The following DNAH5 variants were observed in gnomAD, a reference collection of about 807,000 sequenced individuals.
DNAH5 encodes the protein dynein axonemal heavy chain 5, also known as axonemal beta dynein heavy chain 5.
In DNAH5, 372 loss-of-function variants were observed where a neutral mutation model predicts 518.2. That is an observed-to-expected ratio of 0.72 (90% confidence interval 0.66 to 0.78). DNAH5 has a LOEUF of 0.78. DNAH5 is among the 30% of genes least tolerant of loss of function. The probability of loss-of-function intolerance (pLI) is 0.00; values close to 1 mark genes in which losing one functional copy is unlikely to be tolerated. For missense variants in DNAH5, 5,523 were observed against 5,687.0 expected (o/e 0.97, Z 0.93); for synonymous variants, 2,039 against 2,025.9 (o/e 1.01, Z -0.17).
chr5:13,752,331 A>G, intron 63 of DNAH5, 42 bp from the exon 64 acceptor site: 1 of 1,602,228 alleles, frequency 6.2e-7, no homozygotes, highest in Admixed American at 1.7e-5. Flanking sequence ...AGACATTACC[A>G]TGAAGCAATG....
At position 13,911,512 on chromosome 5, in the gene DNAH5, A is replaced by T; in HGVS notation, c.1537-19T>A. On this transcript the variant is annotated intron_variant, in intron 11 of 78. Transcript: ENST00000265104. ...CAATGCCCTGAAATATTATGAGATAAATTAGATAATATTTCAATATTCTTA... is the reference window on the plus strand; with the variant it reads ...CAATGCCCTGAAATATTATGAGATATATTAGATAATATTTCAATATTCTTA... The T allele has an allele frequency of 6.4e-7, 1 of 1,556,726 alleles. No homozygotes were observed. The highest frequency in any genetic ancestry group is 1.1e-5 in the South Asian group (1 of 89,558).
chr5:13,945,343 T>A (rs1254782181), upstream of DNAH5, among the ~76,000 whole-genome samples: 1 of 152,168 alleles, frequency 6.6e-6, no homozygotes, highest in African/African-American at 2.4e-5. Context: ...GTCCAGCAAC[T>A]CAAATCCTAA....
At chr5:13,871,097 A>C in intron 23 of DNAH5, 95 bp from the exon 24 acceptor site, 1 of 892,890 alleles carries the variant, frequency 1.1e-6, no homozygotes, top group Non-Finnish European at 1.8e-6. Flanking sequence ...AATATTTTAT[A>C]GCTTATTGCC....
intron 57 of DNAH5, 118 bp downstream of exon 57, chr5:13,769,383 T>A: frequency 1.0e-6 from 1 of 994,192 alleles, no homozygotes. Flanking sequence ...GAGTATTTTA[T>A]TCCAATGGAA....
intron 13 of DNAH5, 102 bp from the exon 14 acceptor site, chr5:13,901,675 A>T (rs1486718736): frequency 1.8e-5 from 13 of 738,710 alleles, no homozygotes; most frequent in East Asian, 1.4e-4. Flanking sequence ...TTTATTTTTT[A>T]AAATGCTAAT....
chr5:13,823,164 C>T, intron 40 of DNAH5, 99 bp downstream of exon 40: 1 of 843,142 alleles, frequency 1.2e-6, no homozygotes, highest in Non-Finnish European at 2.1e-6. Context: ...ATTTTTGCTG[C>T]TCAGAGTGCA....
intron 58 of DNAH5, 133 bp from the exon 59 acceptor site, chr5:13,766,312 A>G (rs1387231131): frequency 2.3e-6 from 2 of 871,978 alleles, no homozygotes; most frequent in Non-Finnish European, 3.8e-6. Flanking sequence ...CACAGGGTCT[A>G]GATGCATATT....
At chr5:13,806,064 A>G (rs1263712174) in intron 47 of DNAH5, among the ~76,000 whole-genome samples, 1 of 152,148 alleles carries the variant, frequency 6.6e-6, no homozygotes. Context: ...TCACACTCTG[A>G]TCTGATTTTT....
At chr5:13,877,232 T>C (rs897606178) in intron 21 of DNAH5, among the ~76,000 whole-genome samples, 2 of 152,144 alleles carry the variant, frequency 1.3e-5, no homozygotes, top group African/African-American at 2.4e-5. Flanking sequence ...GGGAGCTCCA[T>C]AGAATTCTCA....
intron 75 of DNAH5, among the ~76,000 whole-genome samples, chr5:13,713,468 C>CATATATATATATATATATATATATAT (rs1743888599): frequency 1.2e-5 from 1 of 81,448 alleles, no homozygotes; most frequent in Non-Finnish European, 2.2e-5. Flanking sequence ...TATATATATA[C>CATATATATATATATATATATATATAT]ACACACCGAT....
intron 30 of DNAH5, among the ~76,000 whole-genome samples, chr5:13,851,022 C>T (rs1766761645): frequency 6.6e-6 from 1 of 152,174 alleles, no homozygotes; most frequent in African/African-American, 2.4e-5. Flanking sequence ...GCATCCTTAG[C>T]TCAACCTTGG....
In DNAH5 at chr5:13,735,240, G is replaced by T. The variant is rs1179938665; in HGVS notation, c.11652C>A (p.Ala3884=). The T allele has an allele frequency of 3.1e-6, 5 of 1,613,952 alleles. No homozygotes were observed. Among genetic ancestry groups the T allele is most frequent in the Non-Finnish European group, 4.2e-6 (5 of 1,179,982 alleles). Residue 3884 remains alanine (A), a synonymous_variant, in exon 68 of 79, where the codon GCC becomes GCA. Transcript: ENST00000265104. ...HMTYEVYKYA[A]RGLYEEHKFL... ...ATTTGTGCTCCTCGTACAGCCCTCG[G>T]GCAGCATACTTATAAACCTCGTAGG...
intron 75 of DNAH5, among the ~76,000 whole-genome samples, chr5:13,710,122 C>T (rs530400807): frequency 6.6e-6 from 1 of 152,260 alleles, no homozygotes; most frequent in African/African-American, 2.4e-5. Flanking sequence ...GACCCACAGA[C>T]AAGGTTCACA....
intron 65 of DNAH5, among the ~76,000 whole-genome samples, chr5:13,746,440 A>G (rs1231356333): frequency 6.6e-6 from 1 of 152,138 alleles, no homozygotes. Context: ...AATGCATGAA[A>G]GAGGGAGGAC....
In DNAH5 at chr5:13,788,902, G is replaced by A; in HGVS notation, c.8461C>T (p.Leu2821=). 1 of 1,613,968 alleles carries A rather than the reference G, an allele frequency of 6.2e-7. No homozygotes were observed. The highest frequency in any genetic ancestry group is 8.5e-7 in the Non-Finnish European group (1 of 1,179,914). ...VIKEPNDLLK[L]WKHECKRVIA... ...ACACGTTTACACTCATGCTTCCACA[G>A]CTTTAACAGATCCTGTTGAAAGTAT... Residue 2821 remains leucine, a synonymous_variant, in exon 51 of 79, where the codon CTG becomes TTG. Coordinates refer to ENST00000265104, the MANE Select transcript of DNAH5 (RefSeq NM_001369.3).
At chr5:13,849,178 G>T (rs1766470210) in intron 31 of DNAH5, among the ~76,000 whole-genome samples, 3 of 152,220 alleles carry the variant, frequency 2.0e-5, no homozygotes, top group African/African-American at 7.2e-5. Flanking sequence ...CCAGCTGTAT[G>T]CTGAAGCCTG....
intron 1 of DNAH5, among the ~76,000 whole-genome samples, chr5:13,980,210 G>A (rs977376586): frequency 2.0e-5 from 3 of 151,946 alleles, no homozygotes; most frequent in Non-Finnish European, 4.4e-5. Flanking sequence ...CTGACCTGCT[G>A]GCTTCTCCTT....
At chr5:13,960,715 T>C (rs1781117808) in intron 1 of DNAH5, among the ~76,000 whole-genome samples, 1 of 152,192 alleles carries the variant, frequency 6.6e-6, no homozygotes, top group Non-Finnish European at 1.5e-5. Context: ...CCCGGCTCCA[T>C]GCTCACCTCC....
At chr5:13,967,589 T>A (rs1781609373) in intron 1 of DNAH5, among the ~76,000 whole-genome samples, 1 of 152,242 alleles carries the variant, frequency 6.6e-6, no homozygotes, top group African/African-American at 2.4e-5. Flanking sequence ...CCTTATAGTA[T>A]AGTTTGAAGT....
Sources: gnomAD v4.1 joint callset for allele counts (sites outside exome capture counted in the v4.1 genomes callset) on GRCh38, gnomAD v4.1.1 for gene constraint, MANE v1.5 for transcripts, NCBI Gene and HGNC (gene_info 2026-07-23, HGNC 2026-07-21) for gene names.